ARSJ: variants seen among roughly 807,000 people sequenced by gnomAD.
The protein encoded by ARSJ is arylsulfatase J.
In ARSJ, 26 loss-of-function variants were observed where a neutral mutation model predicts 35.9. The observed-to-expected ratio is 0.72, with a 90% CI of 0.53 to 1.00. The LOEUF (loss-of-function observed/expected upper bound fraction) is 1.00. ARSJ is among the 50% of genes least tolerant of loss of function. The probability of loss-of-function intolerance (pLI) is 0.00; values close to 1 mark genes in which losing one functional copy is unlikely to be tolerated. For missense variants in ARSJ, 667 were observed against 723.6 expected (o/e 0.92, Z 0.90); for synonymous variants, 294 against 267.6 (o/e 1.10, Z -0.96).
At chr4:113,966,170 A>G (rs1471123940) in intron 1 of ARSJ, among the ~76,000 whole-genome samples, 2 of 152,070 alleles carry the variant, frequency 1.3e-5, no homozygotes, top group Non-Finnish European at 2.9e-5. Context: ...AATTTACAGT[A>G]TGTATTAATG....
intron 1 of ARSJ, among the ~76,000 whole-genome samples, chr4:113,904,210 C>G (rs549923470): frequency 6.6e-6 from 1 of 151,976 alleles, no homozygotes; most frequent in Non-Finnish European, 1.5e-5. Flanking sequence ...ATTACAGGTG[C>G]GAAGCCACTG....
At chr4:113,944,529 G>A (rs1725353449) in intron 1 of ARSJ, among the ~76,000 whole-genome samples, 1 of 151,930 alleles carries the variant, frequency 6.6e-6, no homozygotes, top group Non-Finnish European at 1.5e-5. Flanking sequence ...ATGCAGTGTC[G>A]AGAACATATT....
intron 1 of ARSJ, among the ~76,000 whole-genome samples, chr4:113,909,546 T>C (rs1031272691): frequency 6.6e-6 from 1 of 152,164 alleles, no homozygotes; most frequent in African/African-American, 2.4e-5. Flanking sequence ...ATTCTCGTGA[T>C]AGTAAGTTCT....
rs1216216207 is a variant in ARSJ at position 113,979,087 on chromosome 4, G to A, written c.-253C>T. The A allele has an allele frequency of 2.8e-5, 11 of 386,884 alleles. No individual in the cohort carries two copies. Among genetic ancestry groups the A allele is most frequent in the Middle Eastern group, 6.6e-4 (1 of 1,526 alleles). The allele number at this position is 386,884 out of a possible 1,614,324, so 24.0% of individuals were successfully genotyped here. ...TTCTCCTCCTCCTCCCCCCTCCCTA[G>A]AGCAGCTTCCACCAAGGAAAAAAAA... On this transcript the variant is annotated 5_prime_UTR_variant, in exon 1 of 2. Coordinates refer to ENST00000315366, the MANE Select transcript of ARSJ (RefSeq NM_024590.4).
At chr4:113,955,009 T>C (rs1035529694) in intron 1 of ARSJ, among the ~76,000 whole-genome samples, 12 of 151,540 alleles carry the variant, frequency 7.9e-5, no homozygotes, top group Admixed American at 4.6e-4. Flanking sequence ...CTTTTCTTTT[T>C]TTTTTTTTTG....
chr4:113,955,258 A>C (rs1174684198), intron 1 of ARSJ, among the ~76,000 whole-genome samples: 2 of 152,002 alleles, frequency 1.3e-5, no homozygotes, highest in Non-Finnish European at 2.9e-5. Flanking sequence ...GTCCATTAGC[A>C]GTTATTGCAG....
chr4:113,931,965 C>A (rs1724481877), intron 1 of ARSJ, among the ~76,000 whole-genome samples: 1 of 152,120 alleles, frequency 6.6e-6, no homozygotes, highest in South Asian at 2.1e-4. Context: ...GAAACCAAGA[C>A]TTCAACTATA....
intron 1 of ARSJ, among the ~76,000 whole-genome samples, chr4:113,929,796 C>T (rs1397506094): frequency 1.3e-5 from 2 of 152,124 alleles, no homozygotes. Context: ...TTTCTTTCAT[C>T]AGTTTTTCAA....
intron 1 of ARSJ, among the ~76,000 whole-genome samples, chr4:113,946,636 C>T (rs1040253605): frequency 3.3e-5 from 5 of 151,686 alleles, no homozygotes; most frequent in African/African-American, 1.2e-4. Flanking sequence ...CCAGACTCTC[C>T]AAGTTCTATT....
chr4:113,921,082 TACACAC>T (rs746326993), intron 1 of ARSJ, among the ~76,000 whole-genome samples: 117 of 129,658 alleles, frequency 9.0e-4, no homozygotes, highest in Middle Eastern at 4.1e-3. Context: ...TTCCCTGAAA[TACACAC>T]ACACACACAC....
At chr4:113,935,867 A>G (rs1032767031) in intron 1 of ARSJ, among the ~76,000 whole-genome samples, 3 of 151,986 alleles carry the variant, frequency 2.0e-5, no homozygotes, top group Non-Finnish European at 2.9e-5. Context: ...TACAACTTCC[A>G]TTAGGTAGCT....
intron 1 of ARSJ, among the ~76,000 whole-genome samples, chr4:113,965,033 A>T (rs1726803203): frequency 6.6e-6 from 1 of 152,164 alleles, no homozygotes; most frequent in Non-Finnish European, 1.5e-5. Context: ...ACACTGTAAC[A>T]AAAATAGAAC....
intron 1 of ARSJ, among the ~76,000 whole-genome samples, chr4:113,954,355 G>A (rs1235967869): frequency 6.6e-6 from 1 of 151,960 alleles, no homozygotes; most frequent in Non-Finnish European, 1.5e-5. Flanking sequence ...ATATGAAATA[G>A]AAAACAACTT....
intron 1 of ARSJ, among the ~76,000 whole-genome samples, chr4:113,962,780 C>T (rs1726638120): frequency 6.6e-6 from 1 of 152,064 alleles, no homozygotes; most frequent in Non-Finnish European, 1.5e-5. Context: ...GGTTCCCCTT[C>T]TGCTCCAAGC....
chr4:113,930,332 G>A (rs1387298257), intron 1 of ARSJ, among the ~76,000 whole-genome samples: 1 of 152,090 alleles, frequency 6.6e-6, no homozygotes, highest in Non-Finnish European at 1.5e-5. Context: ...ATGTAGGCTT[G>A]GAGGCTAGGC....
intron 1 of ARSJ, among the ~76,000 whole-genome samples, chr4:113,964,150 C>G (rs1726742710): frequency 6.6e-6 from 1 of 151,908 alleles, no homozygotes; most frequent in African/African-American, 2.4e-5. Flanking sequence ...TAAATAATGA[C>G]AGTGAATTAT....
chr4:113,932,504 A>T (rs67044681), intron 1 of ARSJ, among the ~76,000 whole-genome samples: 24,822 of 152,012 alleles, frequency 0.16, 2,464 homozygotes, highest in Middle Eastern at 0.31. Flanking sequence ...ATCGTATCAA[A>T]TATCTTTTCT....
At chr4:113,907,273 G>C (rs1458659386) in intron 1 of ARSJ, among the ~76,000 whole-genome samples, 1 of 152,164 alleles carries the variant, frequency 6.6e-6, no homozygotes, top group African/African-American at 2.4e-5. Flanking sequence ...TTTTTTTAAA[G>C]TATGTGATTT....
chr4:113,961,895 CTCTGTGTGTGTGTGTGTGTG>C lies in ARSJ; in HGVS notation c.398+16522_398+16541del, dbSNP rs1237139387. On this transcript the variant is annotated intron_variant, in intron 1 of 1. Coordinates refer to ENST00000315366, the MANE Select transcript of ARSJ (RefSeq NM_024590.4). ...TGCCTGTGTTTGTCTCTCTCTCTCT[CTCTGTGTGTGTGTGTGTGTG>C]TGTGTGTGTGTGTGTGTGTGTGTGT... is the stretch of plus-strand genomic sequence containing the variant. 2.0e-4 allele frequency among the ~76,000 whole-genome samples: 24 copies of C among 122,100 alleles called. No individual in the cohort carries two copies. The East Asian group carries it at 2.4e-3, about 12-fold the overall frequency. 80.1% of individuals were successfully genotyped at this position (122,100 alleles called of 152,430 possible).
Sources: gnomAD v4.1 joint callset for allele counts (sites outside exome capture counted in the v4.1 genomes callset) on GRCh38, gnomAD v4.1.1 for gene constraint, MANE v1.5 for transcripts, NCBI Gene and HGNC (gene_info 2026-07-23, HGNC 2026-07-21) for gene names.